Variants in CEP250 observed in about 807,000 individuals in gnomAD.
CEP250 encodes centrosomal protein 250, also known as centrosome-associated protein CEP250.
In CEP250, 242 loss-of-function variants were observed where a neutral mutation model predicts 315.7. The observed-to-expected ratio is 0.77, with a 90% CI of 0.69 to 0.85. The LOEUF (loss-of-function observed/expected upper bound fraction) is 0.85. Among genes scored for constraint, CEP250 ranks in the 40% least tolerant of loss-of-function variants. CEP250 has a pLI of 0.00. For missense variants in CEP250, 2,515 were observed against 2,886.4 expected (o/e 0.87, Z 2.95); for synonymous variants, 1,088 against 1,175.0 (o/e 0.93, Z 1.51).
intron 2 of CEP250, 36 bp downstream of exon 2, chr20:35,458,410 C>T (rs1237726481): frequency 6.6e-6 from 1 of 152,194 alleles, no homozygotes; most frequent in Non-Finnish European, 1.5e-5. Context: ...CTGTGGCAGA[C>T]TCCTGATACT....
chr20:35,472,247 G>T, intron 11 of CEP250, 96 bp downstream of exon 11: 1 of 771,444 alleles, frequency 1.3e-6, no homozygotes, highest in Admixed American at 2.1e-5. Context: ...CAGTCTCTGA[G>T]GTTCGGGTGC....
rs766635267 is a variant in CEP250 at position 35,501,947 on chromosome 20, T to C, written c.4001T>C (p.Leu1334Pro). 1.2e-6 allele frequency: 2 copies of C among 1,612,916 alleles called. No individual in the cohort carries two copies. The highest frequency in any genetic ancestry group is 1.7e-6 in the Non-Finnish European group (2 of 1,179,966). Residue 1334 changes from leucine to proline, a missense_variant, in exon 29 of 35, where the codon CTA becomes CCA. Coordinates refer to ENST00000397527, the MANE Select transcript of CEP250 (RefSeq NM_007186.6). The part of the protein sequence containing the change: ...SLQSRLRRAE[L>P]QRMEAQGERE... ...CAGAGTCGCCTGCGGAGAGCAGAGC[T>C]ACAGCGAATGGAAGCCCAGGTAAAG...
rs1040377385 is a variant in CEP250 at position 35,516,570 on chromosome 20, T to C, written c.*4944T>C. On this transcript the variant is annotated 3_prime_UTR_variant, in exon 35 of 35. Transcript: ENST00000397527. Reference sequence around the variant, plus strand: ...TGACTCCATTACCTGGTGAATGAGATTGGCTAGCTGCTGCTCCTGCCCCAG... The same window carrying C: ...TGACTCCATTACCTGGTGAATGAGACTGGCTAGCTGCTGCTCCTGCCCCAG... 2 of 152,258 alleles carry C rather than the reference T, an allele frequency of 1.3e-5. No individual in the cohort carries two copies. Among genetic ancestry groups the C allele is most frequent in the African/African-American group, 4.8e-5 (2 of 41,466 alleles). 9.4% of individuals were successfully genotyped at this position (152,258 alleles called of 1,614,324 possible).
Position 35,491,358 on chromosome 20 carries a change from G to A in CEP250, c.2889+12G>A. ...AATTAAAGGAGCAGGTATGGAGGGT[G>A]GTCTCGGGAGTAGGGGAGAAAGGGG... On this transcript the variant is annotated intron_variant, in intron 22 of 34. Coordinates refer to ENST00000397527, the MANE Select transcript of CEP250 (RefSeq NM_007186.6). 1 of 1,577,770 alleles carries A rather than the reference G, an allele frequency of 6.3e-7. No individual in the cohort carries two copies.
Position 35,504,831 on chromosome 20 carries a change from G to A in CEP250, c.6462G>A (p.Arg2154=), listed in dbSNP as rs1163366076. The part of the protein sequence containing the change: ...LEPRLQRELE[R]LQAALRQTEA... ...CCAGGCTGCAGCGGGAGCTGGAGCGGCTACAGGCAGCCCTGAGACAGACAG... is the reference window on the plus strand; with the variant it reads ...CCAGGCTGCAGCGGGAGCTGGAGCGACTACAGGCAGCCCTGAGACAGACAG... Residue 2154 remains arginine, a synonymous_variant, in exon 30 of 35, where the codon CGG becomes CGA. Transcript: ENST00000397527. The A allele has an allele frequency of 3.1e-6, 5 of 1,614,236 alleles. No homozygotes were observed. In the Admixed American group the frequency reaches 8.3e-5, roughly 27 times the overall value.
intron 22 of CEP250, among the ~76,000 whole-genome samples, chr20:35,491,634 G>C (rs2063697472): frequency 6.6e-6 from 1 of 152,148 alleles, no homozygotes; most frequent in Non-Finnish European, 1.5e-5. Flanking sequence ...CGGGCATGGT[G>C]GCAGGCCCCT....
Position 35,494,314 on chromosome 20 carries a change from T to C in CEP250, c.3034-210T>C, listed in dbSNP as rs1308407883. The C allele has an allele frequency of 8.7e-6, 5 of 572,384 alleles. No individual in the cohort carries two copies. The East Asian group carries it at 9.7e-5, about 11-fold the overall frequency. The allele number at this position is 572,384 out of a possible 1,614,324, so 35.5% of individuals were successfully genotyped here. On this transcript the variant is annotated intron_variant, in intron 23 of 34. Coordinates refer to ENST00000397527, the MANE Select transcript of CEP250 (RefSeq NM_007186.6). ...TTTGTGCCTGCCTCTATGCAGCATA[T>C]GTGAGGCTGGGAGGCAGATGACCAG... is the stretch of plus-strand genomic sequence containing the variant.
intron 14 of CEP250, 52 bp from the exon 15 acceptor site, chr20:35,475,450 G>A: frequency 6.3e-7 from 1 of 1,589,828 alleles, no homozygotes; most frequent in East Asian, 2.2e-5. Flanking sequence ...TACCTTTGGG[G>A]TTATGGCCCA....
chr20:35,498,464 G>A lies in CEP250; in HGVS notation c.3656-131G>A. 9.8e-6 allele frequency: 11 copies of A among 1,117,934 alleles called. No homozygotes were observed. The South Asian group carries it at 1.1e-4, about 12-fold the overall frequency. The allele number at this position is 1,117,934 out of a possible 1,614,324, so 69.3% of individuals were successfully genotyped here. On this transcript the variant is annotated intron_variant, in intron 26 of 34. Transcript: ENST00000397527. ...TACTTATGGAGAAAATATGTGATGA[G>A]TGAACTGCTGAGAAAGGGGTTCTTT...
At chr20:35,509,253 T>C (rs1205723073) in intron 33 of CEP250, among the ~76,000 whole-genome samples, 1 of 152,182 alleles carries the variant, frequency 6.6e-6, no homozygotes, top group African/African-American at 2.4e-5. Flanking sequence ...GGGTGGCTAG[T>C]GGCCCTGCCT....
chr20:35,464,845 C>T (rs2062835621), intron 5 of CEP250, among the ~76,000 whole-genome samples: 1 of 152,064 alleles, frequency 6.6e-6, no homozygotes, highest in African/African-American at 2.4e-5. Flanking sequence ...TCACTTGAAC[C>T]CAGGAGGCAG....
At chr20:35,468,022 G>A (rs1568763215) in intron 9 of CEP250, among the ~76,000 whole-genome samples, 2 of 136,836 alleles carry the variant, frequency 1.5e-5, no homozygotes, top group African/African-American at 5.7e-5. Flanking sequence ...CTTGCCTACT[G>A]CAACCTCTGC....
rs766055687 is a variant in CEP250, at chr20:35,477,979, T to G, written c.1972T>G (p.Trp658Gly). Residue 658 changes from tryptophan to glycine, a missense_variant, in exon 17 of 35, where the codon TGG becomes GGG. Trp to Gly is a radical substitution (Grantham distance 184, BLOSUM62 -2). Transcript: ENST00000397527. ...GGCAGAGAAGAGGAGGGAAGCCCTG[T>G]GGGAAAAGAACACTCACCTGGAGGC... ...AEAEKRREAL[W>G]EKNTHLEAQL... 6.2e-7 allele frequency: 1 copy of G among 1,613,656 alleles called. No homozygotes were observed. Among genetic ancestry groups the G allele is most frequent in the Non-Finnish European group, 8.5e-7 (1 of 1,179,880 alleles).
rs774985207 is a variant in CEP250 at position 35,479,278 on chromosome 20, TC to T, written c.2143del (p.Gln715ArgfsTer20). ...CCACGACTCAGCTGGAGCAGCTACA[TC>T]AGGAGGCAAAGCGACAGGAAGAAGT... ...AATTQLEQLH[Q>X]EAKRQEEVLA... On this transcript the variant is annotated frameshift_variant, in exon 18 of 35. Transcript: ENST00000397527. LOFTEE classifies it high-confidence loss of function. The T allele has an allele frequency of 6.2e-7, 1 of 1,614,062 alleles. No homozygotes were observed. Among genetic ancestry groups the T allele is most frequent in the Admixed American group, 1.7e-5 (1 of 59,996 alleles).
Position 35,491,192 on chromosome 20 carries a change from AC to A in CEP250, c.2755-14del. The A allele has an allele frequency of 1.2e-6, 2 of 1,608,594 alleles. No individual in the cohort carries two copies. The highest frequency in any genetic ancestry group is 1.3e-5 in the African/African-American group (1 of 74,684). On this transcript the variant is annotated intron_variant, in intron 21 of 34. Transcript: ENST00000397527. ...GGTAATCCTGAGCCCACAAGCTGTT[AC>A]CCCCCTACCCCTCCACAGATGCAGC... is the stretch of plus-strand genomic sequence containing the variant.
At chr20:35,479,830 G>A in intron 19 of CEP250, 57 bp downstream of exon 19, 3 of 1,612,114 alleles carry the variant, frequency 1.9e-6, no homozygotes, top group Non-Finnish European at 2.5e-6. Flanking sequence ...TGAAAGGCAG[G>A]AAGATGGTGG....
chr20:35,486,559 C>A (rs992062374), intron 20 of CEP250, among the ~76,000 whole-genome samples: 1 of 152,028 alleles, frequency 6.6e-6, no homozygotes, highest in African/African-American at 2.4e-5. Flanking sequence ...ACAAGTCTTG[C>A]TTTGCTTTTG....
At chr20:35,508,298 G>A (rs1410426587) in intron 32 of CEP250, 108 bp downstream of exon 32, 2 of 1,205,016 alleles carry the variant, frequency 1.7e-6, no homozygotes, top group Admixed American at 4.5e-5. Context: ...CCTGCTGCCT[G>A]TTTCTGAAAA....
upstream of CEP250, chr20:35,455,301 C>T (rs1272006199): frequency 6.6e-6 from 1 of 152,254 alleles, no homozygotes; most frequent in African/African-American, 2.4e-5. Context: ...CCCGGAGACC[C>T]GCCCGTCTAG....
Sources: allele counts gnomAD v4.1 joint callset (sites outside exome capture counted in the v4.1 genomes callset), GRCh38; gene constraint gnomAD v4.1.1; transcripts MANE v1.5; gene names NCBI Gene and HGNC (gene_info 2026-07-23, HGNC 2026-07-21).